Variants in HACE1 observed in about 807,000 individuals in gnomAD.
HACE1 encodes HECT domain and ankyrin repeat containing E3 ubiquitin protein ligase 1.
Under a neutral mutation model 118.4 loss-of-function variants are expected in HACE1, and 73 were observed. The observed-to-expected ratio is 0.62, with a 90% CI of 0.51 to 0.75. The LOEUF (loss-of-function observed/expected upper bound fraction) is 0.75, where lower values mean the gene tolerates loss of function less well. Ranked by LOEUF, HACE1 falls within the 30% of genes least tolerant of loss-of-function variation. The pLI, the probability that HACE1 is intolerant of heterozygous loss-of-function variation, is 0.00. For synonymous variants in HACE1, 368 were observed against 374.8 expected (o/e 0.98, Z 0.21); for missense variants, 749 against 1,102.2 (o/e 0.68, Z 4.54).
At chr6:104,774,665 T>C (rs1391995298) in intron 17 of HACE1, among the ~76,000 whole-genome samples, 1 of 152,114 alleles carries the variant, frequency 6.6e-6, no homozygotes, top group Non-Finnish European at 1.5e-5. Context: ...ATTACAGGCA[T>C]GAGCCACCGC....
rs145252565 is a variant in HACE1 at position 104,793,449 on chromosome 6, G to C, written c.924-1795C>G. On this transcript the variant is annotated intron_variant, in intron 10 of 23. Coordinates refer to ENST00000262903, the MANE Select transcript of HACE1 (RefSeq NM_020771.4). ...TCAATCATAAATATATAGAAAGGAC[G>C]ATAAAATTTCATTTCAATATAAACA... is the stretch of plus-strand genomic sequence containing the variant. 2.0e-5 allele frequency among the ~76,000 whole-genome samples: 3 copies of C among 152,108 alleles called. No homozygotes were observed. In the East Asian group the frequency reaches 5.8e-4, roughly 29 times the overall value.
At chr6:104,828,814 T>TA (rs1773580242) in intron 6 of HACE1, among the ~76,000 whole-genome samples, 2 of 152,170 alleles carry the variant, frequency 1.3e-5, no homozygotes, top group Non-Finnish European at 2.9e-5. Flanking sequence ...CTTTTATCCT[T>TA]AAAAAATGTA....
intron 4 of HACE1, among the ~76,000 whole-genome samples, 160 bp downstream of exon 4, chr6:104,848,981 CT>C (rs2114259742): frequency 6.6e-6 from 1 of 152,146 alleles, no homozygotes; most frequent in East Asian, 1.9e-4. Flanking sequence ...TCAATAATAT[CT>C]TTGAGAGACA....
In HACE1 at chr6:104,785,135, GA is replaced by G; in HGVS notation, c.1258del (p.Ser420ProfsTer28). The stretch of plus-strand genomic sequence containing the variant: ...TGGTTTAGATTCCCTTGTGCCAGTG[GA>G]CAGATTTTCATAGCTCCCAGGTCCT... ...PPGPGSYENL[S>X]TGTRESKPDA... On this transcript the variant is annotated frameshift_variant, in exon 12 of 24. Coordinates refer to ENST00000262903, the MANE Select transcript of HACE1 (RefSeq NM_020771.4). LOFTEE classifies it high-confidence loss of function. 6.2e-7 allele frequency: 1 copy of G among 1,613,972 alleles called. No individual in the cohort carries two copies. Among genetic ancestry groups the G allele is most frequent in the Non-Finnish European group, 8.5e-7 (1 of 1,179,928 alleles).
rs149270056 is a variant in HACE1 at position 104,756,411 on chromosome 6, CAAA to C, written c.2212-5942_2212-5940del. ...TGAGTGACAGAGCCAGATTCCATCT[CAAA>C]AAAAAAAAAAAAATATATATATATA... On this transcript the variant is annotated intron_variant, in intron 19 of 23. Coordinates refer to ENST00000262903, the MANE Select transcript of HACE1 (RefSeq NM_020771.4). Among the ~76,000 whole-genome samples, 576 of 103,426 alleles carry C rather than the reference CAAA, an allele frequency of 5.6e-3. 2 individuals are homozygous for C. The highest frequency in any genetic ancestry group is 0.02 in the African/African-American group (534 of 26,916). The allele number at this position is 103,426 out of a possible 152,430, so 67.9% of individuals were successfully genotyped here. A position where few individuals can be genotyped will look rare whatever the true frequency, so the allele number is the denominator to read the frequency against.
intron 19 of HACE1, among the ~76,000 whole-genome samples, chr6:104,756,868 G>A (rs933263991): frequency 4.6e-5 from 7 of 152,192 alleles, no homozygotes; most frequent in African/African-American, 1.7e-4. Context: ...CACAGTCTTC[G>A]CAACTGGCAG....
intron 7 of HACE1, among the ~76,000 whole-genome samples, chr6:104,811,007 A>C (rs550412076): frequency 1.3e-5 from 2 of 151,882 alleles, no homozygotes; most frequent in Non-Finnish European, 2.9e-5. Flanking sequence ...AATCAAGCAA[A>C]TCAAAAGCTC....
Position 104,817,022 on chromosome 6 carries a change from C to G in HACE1, c.535-5629G>C, listed in dbSNP as rs186790476. Among the ~76,000 whole-genome samples, 1,082 of 152,294 alleles carry G rather than the reference C, an allele frequency of 7.1e-3. 10 individuals are homozygous for G. The highest frequency in any genetic ancestry group is 0.011 in the Non-Finnish European group (747 of 68,034). ...GAGCATTCACTCAATGCCTGTACCCCCACTGTATCTTGGAAGTAACTAACT... is the reference window on the plus strand; with the variant it reads ...GAGCATTCACTCAATGCCTGTACCCGCACTGTATCTTGGAAGTAACTAACT... On this transcript the variant is annotated intron_variant, in intron 6 of 23. Transcript: ENST00000262903.
intron 6 of HACE1, among the ~76,000 whole-genome samples, chr6:104,832,028 A>C (rs930038633): frequency 6.6e-6 from 1 of 151,234 alleles, no homozygotes; most frequent in Non-Finnish European, 1.5e-5. Context: ...GGAAGGAAGG[A>C]AGGAGAAAGA....
At chr6:104,756,378 C>G (rs1463684728) in intron 19 of HACE1, among the ~76,000 whole-genome samples, 3 of 147,474 alleles carry the variant, frequency 2.0e-5, no homozygotes, top group Non-Finnish European at 4.5e-5. Context: ...CACCACTGCA[C>G]CCCAGCCTGA....
intron 14 of HACE1, among the ~76,000 whole-genome samples, chr6:104,783,224 T>C (rs934181928): frequency 6.6e-6 from 1 of 152,186 alleles, no homozygotes; most frequent in African/African-American, 2.4e-5. Context: ...TCAAGGTAAC[T>C]TAAAATCTGC....
At chr6:104,798,063 C>T (rs1425549229) in intron 7 of HACE1, among the ~76,000 whole-genome samples, 4 of 115,138 alleles carry the variant, frequency 3.5e-5, no homozygotes, top group Non-Finnish European at 6.9e-5. Flanking sequence ...AGCAAAACCC[C>T]GTCTCGAAAA....
intron 11 of HACE1, among the ~76,000 whole-genome samples, chr6:104,791,057 C>A (rs1044985328): frequency 2.6e-5 from 4 of 152,080 alleles, no homozygotes; most frequent in African/African-American, 9.7e-5. Flanking sequence ...TAACTGTCAG[C>A]AAACCCAGTA....
chr6:104,803,526 C>T (rs1024240712), intron 7 of HACE1, among the ~76,000 whole-genome samples: 13 of 152,112 alleles, frequency 8.5e-5, no homozygotes, highest in Non-Finnish European at 1.6e-4. Context: ...ACGATCAAGT[C>T]GGCTTCATCC....
At chr6:104,738,304 C>T (rs1450609546) in intron 22 of HACE1, among the ~76,000 whole-genome samples, 1 of 152,172 alleles carries the variant, frequency 6.6e-6, no homozygotes, top group African/African-American at 2.4e-5. Flanking sequence ...AGCAACGGAA[C>T]AAAGCTGGAT....
At chr6:104,802,204 C>T (rs908974108) in intron 7 of HACE1, among the ~76,000 whole-genome samples, 2 of 152,112 alleles carry the variant, frequency 1.3e-5, no homozygotes, top group Admixed American at 6.5e-5. Context: ...CAGGAGCACG[C>T]AGACTCATAA....
chr6:104,762,619 C>A (rs1238730728), intron 19 of HACE1, among the ~76,000 whole-genome samples: 1 of 151,934 alleles, frequency 6.6e-6, no homozygotes, highest in Non-Finnish European at 1.5e-5. Flanking sequence ...TCATGGGTGC[C>A]ACAAACCACC....
chr6:104,783,986 A>T, intron 14 of HACE1, 100 bp downstream of exon 14: 1 of 732,716 alleles, frequency 1.4e-6, no homozygotes, highest in East Asian at 2.7e-5. Flanking sequence ...TCCTCTTACA[A>T]CAGAATGTCT....
chr6:104,731,891 A>T (rs1026976501), intron 22 of HACE1: 2 of 152,002 alleles, frequency 1.3e-5, no homozygotes, highest in East Asian at 3.9e-4. Context: ...AATCCCGATT[A>T]AAAATGGGCA....
Sources: allele counts gnomAD v4.1 joint callset (sites outside exome capture counted in the v4.1 genomes callset), GRCh38; gene constraint gnomAD v4.1.1; transcripts MANE v1.5; gene names NCBI Gene and HGNC (gene_info 2026-07-23, HGNC 2026-07-21).